Variants in CCDC57 observed in about 807,000 individuals in gnomAD.
CCDC57 encodes coiled-coil domain containing 57, also known as coiled-coil domain-containing protein 57.
A neutral mutation model predicts 118.9 loss-of-function variants in CCDC57; 118 were observed. The ratio of observed to expected loss-of-function variants is 0.99; its 90% CI spans 0.86 to 1.16. The LOEUF is 1.16. Ranked by LOEUF, CCDC57 falls within the 50% of genes most tolerant of loss-of-function variation. The pLI, the probability that CCDC57 is intolerant of heterozygous loss-of-function variation, is 0.00. For missense variants in CCDC57, 1,300 were observed against 1,320.7 expected (o/e 0.98, Z 0.24); for synonymous variants, 527 against 532.9 (o/e 0.99, Z 0.15).
chr17:82,195,409 C>A (rs2048178917), intron 4 of CCDC57, 45 bp from the exon 4 acceptor site: 1 of 1,470,894 alleles, frequency 6.8e-7, no homozygotes, highest in East Asian at 2.5e-5. Flanking sequence ...GGGAACCCAG[C>A]AAAGACCCCC....
chr17:82,155,893 T>G (rs952627874), intron 15 of CCDC57: 4 of 152,318 alleles, frequency 2.6e-5, no homozygotes, highest in Admixed American at 2.0e-4. Flanking sequence ...CCTCCATGCA[T>G]GTAGACACAG....
At chr17:82,139,085 T>A (rs36048409) in intron 16 of CCDC57, among the ~76,000 whole-genome samples, 37,131 of 152,208 alleles carry the variant, frequency 0.24, 5,295 homozygotes, top group Non-Finnish European at 0.33. Flanking sequence ...TTCACACTTA[T>A]CTGTAAATAA....
intron 19 of CCDC57, among the ~76,000 whole-genome samples, chr17:82,102,136 A>G (rs539006878): frequency 4.8e-4 from 73 of 152,222 alleles, no homozygotes; most frequent in Admixed American, 1.0e-3. Flanking sequence ...GGCTCTGAAA[A>G]TGGTCCTGTT....
At chr17:82,137,426 T>A (rs566874015) in intron 16 of CCDC57, among the ~76,000 whole-genome samples, 1 of 152,328 alleles carries the variant, frequency 6.6e-6, no homozygotes, top group Non-Finnish European at 1.5e-5. Flanking sequence ...CCAGGGTAAT[T>A]TTCCGTGCTT....
intron 13 of CCDC57, among the ~76,000 whole-genome samples, chr17:82,169,595 C>A (rs1246540430): frequency 6.6e-6 from 1 of 152,118 alleles, no homozygotes; most frequent in Admixed American, 6.5e-5. Context: ...CCAGGCTGGG[C>A]TGTCAAGCTC....
chr17:82,103,838 CAGGGAGG>C lies in CCDC57; in HGVS notation c.2900-1979_2900-1973del, dbSNP rs1568128590. Among the ~76,000 whole-genome samples the C allele has an allele frequency of 7.9e-4, 117 of 149,008 alleles. 4 individuals carry two copies. In the South Asian group the frequency reaches 0.024, roughly 30 times the overall value. On this transcript the variant is annotated intron_variant, in intron 19 of 19. Transcript: ENST00000665763. ...TCACAGTCCCCGGGGCAGGGAGGGG[CAGGGAGG>C]GGCAGGGAGGGTGAGCTGGCCCCCT...
chr17:82,183,349 T>C (rs2046440987), intron 9 of CCDC57, among the ~76,000 whole-genome samples: 2 of 152,018 alleles, frequency 1.3e-5, no homozygotes, highest in Admixed American at 6.6e-5. Context: ...AGATTCTTTG[T>C]TTTTGTTTTC....
At chr17:82,138,147 CTTTT>C (rs569568425) in intron 16 of CCDC57, among the ~76,000 whole-genome samples, 239 of 118,276 alleles carry the variant, frequency 2.0e-3, no homozygotes, top group African/African-American at 5.6e-3. Flanking sequence ...AGGAGGATCT[CTTTT>C]TTTTTTTTTT....
In CCDC57 at chr17:82,172,598, C is replaced by A. The variant is rs1019345814; in HGVS notation, c.1729+40G>T. ...GTCTGTCCTCCTCCCTCCCTCTCCC[C>A]CTTCCTCTCCCGCTCTGTCCGTTTC... On this transcript the variant is annotated intron_variant, in intron 12 of 19. Coordinates refer to ENST00000665763, the Ensembl canonical transcript of CCDC57. The surrounding 1 kb of genome is among the most constrained non-coding windows in gnomAD (Gnocchi z 5.2). The A allele has an allele frequency of 2.6e-6, 4 of 1,521,630 alleles. No homozygotes were observed. The highest frequency in any genetic ancestry group is 1.4e-5 in the African/African-American group (1 of 72,420). The allele number at this position is 1,521,630 out of a possible 1,614,324, so 94.3% of individuals were successfully genotyped here. A position where few individuals can be genotyped will look rare whatever the true frequency, so the allele number is the denominator to read the frequency against.
chr17:82,184,027 G>GCACACACACACACACA lies in CCDC57; in HGVS notation c.1053-96_1053-95insTGTGTGTGTGTGTGTG, dbSNP rs759711817. The GCACACACACACACACA allele has an allele frequency of 5.2e-4, 171 of 328,500 alleles. 1 individual carries two copies. Among genetic ancestry groups the GCACACACACACACACA allele is most frequent in the Admixed American group, 6.4e-4 (13 of 20,312 alleles). 20.3% of individuals were successfully genotyped at this position (328,500 alleles called of 1,614,324 possible). ...CCAGCAAATACACATGCGCGCGCGC[G>GCACACACACACACACA]CGCGCACACACACACACACACACAC... is the stretch of plus-strand genomic sequence containing the variant. On this transcript the variant is annotated intron_variant, in intron 8 of 19. Transcript: ENST00000665763.
At chr17:82,187,308 T>C (rs1249405757) in intron 8 of CCDC57, among the ~76,000 whole-genome samples, 2 of 144,738 alleles carry the variant, frequency 1.4e-5, no homozygotes, top group African/African-American at 5.1e-5. Flanking sequence ...ATGGTTACAA[T>C]AGTAAATTTT....
chr17:82,132,948 C>T (rs796497506), intron 17 of CCDC57, among the ~76,000 whole-genome samples: 87 of 152,056 alleles, frequency 5.7e-4, no homozygotes, highest in African/African-American at 2.0e-3. Flanking sequence ...TTAGTAGAGA[C>T]GGGGTTTCAC....
intron 7 of CCDC57, among the ~76,000 whole-genome samples, chr17:82,193,410 G>A (rs1457962143): frequency 6.6e-6 from 1 of 152,110 alleles, no homozygotes; most frequent in East Asian, 1.9e-4. Context: ...AGCCAGGCAT[G>A]GTTGTGCACG....
intron 11 of CCDC57, among the ~76,000 whole-genome samples, chr17:82,176,928 G>A (rs2045590007): frequency 6.6e-6 from 1 of 151,846 alleles, no homozygotes; most frequent in African/African-American, 2.4e-5. Context: ...TAACTGAATT[G>A]GCATTTGCCT....
intron 19 of CCDC57, among the ~76,000 whole-genome samples, chr17:82,104,599 C>T (rs565664786): frequency 7.4e-4 from 113 of 152,286 alleles, no homozygotes; most frequent in Non-Finnish European, 6.3e-4. Flanking sequence ...AGTGCAGTGG[C>T]GTGATCTCAG....
chr17:82,115,021 C>T (rs928969189), intron 19 of CCDC57, among the ~76,000 whole-genome samples: 3 of 152,092 alleles, frequency 2.0e-5, no homozygotes, highest in African/African-American at 4.8e-5. Flanking sequence ...CCCCACTCCA[C>T]GAGGCTGGCA....
chr17:82,119,141 G>A (rs1220044526), intron 19 of CCDC57, among the ~76,000 whole-genome samples: 1 of 48 alleles, frequency 0.021, no homozygotes, highest in Non-Finnish European at 0.028. Context: ...GGTGGGGGTG[G>A]TGAGAAATTA....
At chr17:82,175,211 A>C (rs1441621107) in intron 11 of CCDC57, among the ~76,000 whole-genome samples, 3 of 152,244 alleles carry the variant, frequency 2.0e-5, no homozygotes, top group Non-Finnish European at 4.4e-5. Context: ...CAGTCGCATG[A>C]GGGGTAGACC....
At chr17:82,152,996 C>T (rs1220893407) in intron 15 of CCDC57, among the ~76,000 whole-genome samples, 1 of 152,200 alleles carries the variant, frequency 6.6e-6, no homozygotes, top group African/African-American at 2.4e-5. Context: ...AGGACGGGTG[C>T]AGGGCAGCCC....
Sources: gnomAD v4.1 joint callset for allele counts (sites outside exome capture counted in the v4.1 genomes callset) on GRCh38, gnomAD v4.1.1 for gene constraint, Gnocchi (gnomAD v3.1) non-coding constraint, MANE v1.5 for transcripts, NCBI Gene and HGNC (gene_info 2026-07-23, HGNC 2026-07-21) for gene names.